Variants in GABBR2 observed in about 807,000 individuals in gnomAD.
The protein encoded by GABBR2 is G-protein coupled receptor 51.
Under a neutral mutation model 105.6 loss-of-function variants are expected in GABBR2, and 23 were observed. The observed-to-expected ratio is 0.22, with a 90% CI of 0.16 to 0.31. GABBR2 has a LOEUF of 0.31. Among genes scored for constraint, GABBR2 ranks in the 10% least tolerant of loss-of-function variants. GABBR2 has a pLI of 1.00. For missense variants in GABBR2, 734 were observed against 1,245.5 expected (o/e 0.59, Z 6.18); for synonymous variants, 478 against 499.7 (o/e 0.96, Z 0.58).
rs151188406 is a variant in GABBR2 at position 98,631,355 on chromosome 9, TA to T, written c.322-53284del. 1.8e-3 allele frequency among the ~76,000 whole-genome samples: 270 copies of T among 152,324 alleles called. 2 individuals are homozygous for T. The highest frequency in any genetic ancestry group is 6.1e-3 in the African/African-American group (255 of 41,574). ...AGTTTCCTCATCTGTAAAGTGATAA[TA>T]AAACTTTCTATCTTATTTGCTGCTA... On this transcript the variant is annotated intron_variant, in intron 1 of 18. Coordinates refer to ENST00000259455, the MANE Select transcript of GABBR2 (RefSeq NM_005458.8).
intron 5 of GABBR2, among the ~76,000 whole-genome samples, chr9:98,477,559 T>G (rs1930414): frequency 0.032 from 4,844 of 152,222 alleles, 232 homozygotes; most frequent in African/African-American, 0.11. Flanking sequence ...CTGGTAGAAA[T>G]GTGGTCTTAG....
chr9:98,603,117 C>T (rs2131806706), intron 1 of GABBR2, among the ~76,000 whole-genome samples: 1 of 152,324 alleles, frequency 6.6e-6, no homozygotes, highest in South Asian at 2.1e-4. Flanking sequence ...CAAATTTGGA[C>T]TAAGAGAGAA....
chr9:98,320,504 T>C (rs1453059608), intron 13 of GABBR2, among the ~76,000 whole-genome samples: 1 of 152,182 alleles, frequency 6.6e-6, no homozygotes, highest in Non-Finnish European at 1.5e-5. Flanking sequence ...CTATAAATCA[T>C]GCTGCTAGAA....
intron 6 of GABBR2, among the ~76,000 whole-genome samples, chr9:98,471,992 C>G (rs990360523): frequency 6.6e-6 from 1 of 152,216 alleles, no homozygotes; most frequent in Non-Finnish European, 1.5e-5. Context: ...AAAATATGTC[C>G]TAATGATTTG....
At chr9:98,633,244 G>A (rs568256544) in intron 1 of GABBR2, among the ~76,000 whole-genome samples, 1 of 152,320 alleles carries the variant, frequency 6.6e-6, no homozygotes, top group East Asian at 1.9e-4. Flanking sequence ...CAAAATGTCA[G>A]GTGCAACTGG....
intron 3 of GABBR2, among the ~76,000 whole-genome samples, chr9:98,514,003 A>T (rs1827706943): frequency 6.6e-6 from 1 of 152,180 alleles, no homozygotes; most frequent in Non-Finnish European, 1.5e-5. Context: ...ACTTGGAACC[A>T]ACCTAAATAT....
intron 13 of GABBR2, among the ~76,000 whole-genome samples, chr9:98,318,485 T>C (rs1219446521): frequency 6.6e-6 from 1 of 152,172 alleles, no homozygotes; most frequent in African/African-American, 2.4e-5. Context: ...CATGTGCTTC[T>C]GTGTGTCCTG....
intron 1 of GABBR2, among the ~76,000 whole-genome samples, chr9:98,649,438 TCTC>T (rs764899544): frequency 6.6e-6 from 1 of 152,066 alleles, no homozygotes; most frequent in Non-Finnish European, 1.5e-5. Flanking sequence ...GAGAATGCCT[TCTC>T]CACCACACCC....
At chr9:98,380,370 C>T (rs76600259) in intron 11 of GABBR2, among the ~76,000 whole-genome samples, 4,206 of 152,334 alleles carry the variant, frequency 0.028, 166 homozygotes, top group African/African-American at 0.085. Flanking sequence ...CCTTCTTACT[C>T]CTCCCCCGCT....
chr9:98,456,833 C>T (rs377212621), intron 6 of GABBR2, among the ~76,000 whole-genome samples: 10 of 152,156 alleles, frequency 6.6e-5, no homozygotes, highest in Non-Finnish European at 1.5e-4. Context: ...ATTTGCATTT[C>T]TTTAATGATT....
At chr9:98,397,535 G>T (rs184355658) in intron 8 of GABBR2, among the ~76,000 whole-genome samples, 1 of 152,092 alleles carries the variant, frequency 6.6e-6, no homozygotes, top group African/African-American at 2.4e-5. Flanking sequence ...CCTAACTCAC[G>T]GTAAGTGTCC....
intron 4 of GABBR2, among the ~76,000 whole-genome samples, chr9:98,492,111 C>T (rs1827185957): frequency 6.6e-6 from 1 of 151,850 alleles, no homozygotes; most frequent in Non-Finnish European, 1.5e-5. Context: ...TTTTCCTGGC[C>T]TAGATATTTG....
chr9:98,397,128 C>T (rs1832307119), intron 8 of GABBR2, among the ~76,000 whole-genome samples: 1 of 152,210 alleles, frequency 6.6e-6, no homozygotes, highest in Admixed American at 6.5e-5. Flanking sequence ...CCATACTGAG[C>T]AGGGCTGCCA....
At chr9:98,517,890 A>G (rs1827789168) in intron 3 of GABBR2, among the ~76,000 whole-genome samples, 2 of 151,274 alleles carry the variant, frequency 1.3e-5, no homozygotes, top group African/African-American at 4.9e-5. Context: ...GTGAGAGTCC[A>G]GAGGGAGTCA....
chr9:98,694,061 T>C (rs1040439707), intron 1 of GABBR2, among the ~76,000 whole-genome samples: 23 of 152,248 alleles, frequency 1.5e-4, no homozygotes, highest in Admixed American at 1.5e-3. Flanking sequence ...CAAATACTTG[T>C]ATATCTCCTT....
chr9:98,405,576 T>C (rs1832475981), intron 8 of GABBR2, among the ~76,000 whole-genome samples: 1 of 152,214 alleles, frequency 6.6e-6, no homozygotes, highest in Non-Finnish European at 1.5e-5. Flanking sequence ...TAGGGATCCA[T>C]GGAGGATTGG....
At chr9:98,503,252 T>C (rs982209745) in intron 3 of GABBR2, among the ~76,000 whole-genome samples, 2 of 152,090 alleles carry the variant, frequency 1.3e-5, no homozygotes, top group Admixed American at 6.5e-5. Context: ...ACTAAAAGAA[T>C]GTCCTAGCGG....
intron 13 of GABBR2, among the ~76,000 whole-genome samples, chr9:98,358,349 C>T (rs181899515): frequency 2.6e-5 from 4 of 152,320 alleles, no homozygotes; most frequent in South Asian, 4.1e-4. Context: ...CTGCCTGTGT[C>T]CTCTCAGCAC....
intron 1 of GABBR2, among the ~76,000 whole-genome samples, chr9:98,619,871 T>C (rs1437080364): frequency 6.6e-6 from 1 of 152,150 alleles, no homozygotes; most frequent in Non-Finnish European, 1.5e-5. Context: ...AAAGGAGGGT[T>C]CATCTGTGGT....
Sources: gnomAD v4.1 joint callset for allele counts (sites outside exome capture counted in the v4.1 genomes callset) on GRCh38, gnomAD v4.1.1 for gene constraint, MANE v1.5 for transcripts, NCBI Gene and HGNC (gene_info 2026-07-23, HGNC 2026-07-21) for gene names.